Variants in CLSTN2 observed in about 807,000 individuals in gnomAD.
CLSTN2 encodes calsyntenin 2.
In CLSTN2, 48 loss-of-function variants were observed where a neutral mutation model predicts 101.2. The ratio of observed to expected loss-of-function variants is 0.47; its 90% CI spans 0.38 to 0.60. The LOEUF (loss-of-function observed/expected upper bound fraction) is 0.60, where lower values mean the gene tolerates loss of function less well. CLSTN2 is among the 20% of genes least tolerant of loss of function. CLSTN2 has a pLI of 0.00. For synonymous variants in CLSTN2, 481 were observed against 463.6 expected (o/e 1.04, Z -0.48); for missense variants, 1,160 against 1,238.2 (o/e 0.94, Z 0.95).
intron 5 of CLSTN2, among the ~76,000 whole-genome samples, chr3:140,424,211 T>G (rs2107993201): frequency 6.6e-6 from 1 of 152,312 alleles, no homozygotes; most frequent in Non-Finnish European, 1.5e-5. Context: ...GGTACAAGAA[T>G]TCAAACTGCC....
At chr3:140,332,106 G>T (rs1485335878) in intron 2 of CLSTN2, among the ~76,000 whole-genome samples, 1 of 152,190 alleles carries the variant, frequency 6.6e-6, no homozygotes, top group Admixed American at 6.5e-5. Flanking sequence ...GCCGGGGCAG[G>T]GTCCCTCTAT....
intron 9 of CLSTN2, among the ~76,000 whole-genome samples, chr3:140,538,709 T>C (rs374765320): frequency 1.2e-4 from 19 of 152,332 alleles, no homozygotes; most frequent in African/African-American, 4.6e-4. Flanking sequence ...TAAATTATCC[T>C]GAGTCCCTAG....
intron 10 of CLSTN2, among the ~76,000 whole-genome samples, chr3:140,550,940 G>A (rs542154112): frequency 2.4e-4 from 36 of 151,796 alleles, no homozygotes; most frequent in Admixed American, 1.0e-3. Flanking sequence ...CTAGAGCACC[G>A]TGTGAGAAGT....
chr3:140,102,103 C>T (rs2008976799), intron 1 of CLSTN2, among the ~76,000 whole-genome samples: 1 of 152,336 alleles, frequency 6.6e-6, no homozygotes, highest in African/African-American at 2.4e-5. Flanking sequence ...TCAGACCACA[C>T]ATGTCATACA....
chr3:140,153,806 A>T (rs1182108952), intron 1 of CLSTN2, among the ~76,000 whole-genome samples: 1 of 152,112 alleles, frequency 6.6e-6, no homozygotes, highest in Non-Finnish European at 1.5e-5. Flanking sequence ...CAGCCATGGG[A>T]GGTGAGAGAG....
intron 1 of CLSTN2, among the ~76,000 whole-genome samples, chr3:139,984,448 C>T (rs918227587): frequency 3.9e-5 from 6 of 152,196 alleles, no homozygotes; most frequent in Non-Finnish European, 7.3e-5. Context: ...TGACAGGGTC[C>T]TGTTCTCACT....
chr3:140,299,892 G>T (rs1225082386), intron 2 of CLSTN2, among the ~76,000 whole-genome samples: 3 of 152,178 alleles, frequency 2.0e-5, no homozygotes, highest in Admixed American at 6.5e-5. Flanking sequence ...CTCAGTGAGG[G>T]TTTTCTTTTT....
At chr3:140,556,857 T>C (rs1016874896) in intron 11 of CLSTN2, 196 bp downstream of exon 11, 1 of 574,584 alleles carries the variant, frequency 1.7e-6, no homozygotes, top group Non-Finnish European at 3.1e-6. Context: ...TCTGTTGTTT[T>C]ACCACCTTGA....
intron 2 of CLSTN2, among the ~76,000 whole-genome samples, chr3:140,235,387 G>A (rs1374743728): frequency 2.0e-5 from 3 of 152,140 alleles, no homozygotes; most frequent in Non-Finnish European, 4.4e-5. Context: ...GAAAAAGGAT[G>A]GCAGTAGAGG....
At chr3:140,339,564 A>G (rs972386367) in intron 2 of CLSTN2, among the ~76,000 whole-genome samples, 1 of 152,188 alleles carries the variant, frequency 6.6e-6, no homozygotes, top group Non-Finnish European at 1.5e-5. Flanking sequence ...GACCTACTAA[A>G]TGAGATCCCT....
intron 8 of CLSTN2, among the ~76,000 whole-genome samples, chr3:140,490,596 GA>G (rs71149081): frequency 0.013 from 1,212 of 90,086 alleles, 12 homozygotes; most frequent in African/African-American, 0.038. Context: ...CCTTGTCTCA[GA>G]AAAAAAAAAA....
intron 1 of CLSTN2, among the ~76,000 whole-genome samples, chr3:139,989,123 C>T (rs1426034): frequency 0.88 from 134,206 of 152,146 alleles, 59,249 homozygotes; most frequent in South Asian, 0.92. Flanking sequence ...GTCTCACAGG[C>T]AAAAAATGGT....
intron 1 of CLSTN2, among the ~76,000 whole-genome samples, chr3:139,936,469 G>T (rs1293937188): frequency 1.3e-5 from 2 of 152,212 alleles, no homozygotes; most frequent in Non-Finnish European, 2.9e-5. Flanking sequence ...CTTGCGTTTG[G>T]TTTGTGGACT....
At chr3:140,037,221 C>A (rs2007671862) in intron 1 of CLSTN2, among the ~76,000 whole-genome samples, 1 of 152,100 alleles carries the variant, frequency 6.6e-6, no homozygotes, top group Non-Finnish European at 1.5e-5. Flanking sequence ...TGGTAACAAC[C>A]CTTTATGTAC....
chr3:140,177,421 C>T (rs905829731), intron 2 of CLSTN2, among the ~76,000 whole-genome samples: 1 of 152,120 alleles, frequency 6.6e-6, no homozygotes, highest in Non-Finnish European at 1.5e-5. Flanking sequence ...TATCAGCAAC[C>T]TCCGGAAATG....
At chr3:140,490,009 T>TATATATATATATATAC (rs1559884815) in intron 8 of CLSTN2, among the ~76,000 whole-genome samples, 1 of 290 alleles carries the variant, frequency 3.4e-3, no homozygotes, top group African/African-American at 0.011. Context: ...AAAAAAGAAG[T>TATATATATATATATAC]ACATGTGTGT....
intron 1 of CLSTN2, among the ~76,000 whole-genome samples, chr3:139,972,863 T>C (rs1935739624): frequency 6.6e-6 from 1 of 152,196 alleles, no homozygotes; most frequent in East Asian, 1.9e-4. Context: ...CATGACTGGA[T>C]GGATGAACGA....
intron 8 of CLSTN2, among the ~76,000 whole-genome samples, chr3:140,524,509 C>T (rs1243408885): frequency 2.0e-5 from 3 of 152,094 alleles, no homozygotes; most frequent in Non-Finnish European, 2.9e-5. Context: ...CTTCAACAGC[C>T]CACTGACAGT....
intron 2 of CLSTN2, among the ~76,000 whole-genome samples, chr3:140,205,343 G>C (rs1263092455): frequency 6.6e-6 from 1 of 152,204 alleles, no homozygotes; most frequent in Non-Finnish European, 1.5e-5. Flanking sequence ...CAGAAGGTGT[G>C]ATATCTGCCT....
Sources: gnomAD v4.1 joint callset for allele counts (sites outside exome capture counted in the v4.1 genomes callset) on GRCh38, gnomAD v4.1.1 for gene constraint, MANE v1.5 for transcripts, NCBI Gene and HGNC (gene_info 2026-07-23, HGNC 2026-07-21) for gene names.